Variants in CNTN6 observed in about 807,000 individuals in gnomAD.
CNTN6 encodes the protein contactin-6.
Under a neutral mutation model 122.8 loss-of-function variants are expected in CNTN6, and 137 were observed. The ratio of observed to expected loss-of-function variants is 1.12; its 90% CI spans 0.97 to 1.29. The LOEUF is 1.29. Ranked by LOEUF, CNTN6 falls within the 50% of genes most tolerant of loss-of-function variation. CNTN6 has a pLI of 0.00. For missense variants in CNTN6, 1,634 were observed against 1,223.4 expected, an observed-to-expected ratio of 1.34 and a Z score of -5.01; for synonymous variants, 570 against 426.0, an observed-to-expected ratio of 1.34 and a Z score of -4.16.
At chr3:1,242,514 G>T (rs2094499421) in intron 4 of CNTN6, among the ~76,000 whole-genome samples, 1 of 152,194 alleles carries the variant, frequency 6.6e-6, no homozygotes, top group Non-Finnish European at 1.5e-5. Context: ...GTGATAACAG[G>T]CTTTAATCCT....
chr3:1,234,941 AC>A (rs1461739177), intron 4 of CNTN6, among the ~76,000 whole-genome samples: 1 of 152,198 alleles, frequency 6.6e-6, no homozygotes, highest in African/African-American at 2.4e-5. Context: ...AAACAAATAG[AC>A]TGTAAGCAGT....
At chr3:1,127,763 T>C (rs1270322496) in intron 1 of CNTN6, among the ~76,000 whole-genome samples, 1 of 151,852 alleles carries the variant, frequency 6.6e-6, no homozygotes, top group Non-Finnish European at 1.5e-5. Context: ...AGCTGGAGGG[T>C]CTTTTCTATT....
chr3:1,276,721 C>T (rs1303387034), intron 4 of CNTN6, among the ~76,000 whole-genome samples: 2 of 152,138 alleles, frequency 1.3e-5, no homozygotes, highest in Non-Finnish European at 2.9e-5. Flanking sequence ...CTCTTCTTAT[C>T]TTTTACAGGG....
At chr3:1,191,902 A>G (rs1175898870) in intron 2 of CNTN6, among the ~76,000 whole-genome samples, 2 of 152,244 alleles carry the variant, frequency 1.3e-5, no homozygotes, top group African/African-American at 4.8e-5. Context: ...TGAGTAGAAT[A>G]ACAGCTTTCT....
In CNTN6 at chr3:1,202,315, C is replaced by T. The variant is rs570900080; in HGVS notation, c.56-18372C>T. 2.3e-3 allele frequency among the ~76,000 whole-genome samples: 356 copies of T among 152,092 alleles called. 2 individuals are homozygous for T. Among genetic ancestry groups the T allele is most frequent in the Admixed American group, 3.5e-3 (54 of 15,286 alleles). Reference sequence around the variant, plus strand: ...CAGCACTTCGGAAGGCCGAGGCGGGCGGATCACGAGCTCAGGATATCAAGA... The same window carrying T: ...CAGCACTTCGGAAGGCCGAGGCGGGTGGATCACGAGCTCAGGATATCAAGA... On this transcript the variant is annotated intron_variant, in intron 2 of 22. Transcript: ENST00000446702.
At chr3:1,167,507 G>C (rs1390177371) in intron 2 of CNTN6, among the ~76,000 whole-genome samples, 1 of 152,234 alleles carries the variant, frequency 6.6e-6, no homozygotes, top group East Asian at 1.9e-4. Flanking sequence ...AAATAATGAA[G>C]TGCCCCGTGA....
chr3:1,271,627 G>A (rs976051762), intron 4 of CNTN6, among the ~76,000 whole-genome samples: 4 of 152,062 alleles, frequency 2.6e-5, no homozygotes, highest in Admixed American at 6.5e-5. Flanking sequence ...GAGATAAATC[G>A]AGAAATATAA....
At chr3:1,325,776 G>C (rs1261305822) in intron 8 of CNTN6, 39 bp from the exon 9 acceptor site, 1 of 1,600,230 alleles carries the variant, frequency 6.2e-7, no homozygotes, top group Non-Finnish European at 8.5e-7. Flanking sequence ...TTGGATAACT[G>C]CCTTTTACCA....
chr3:1,337,049 A>G (rs999124392), intron 11 of CNTN6, among the ~76,000 whole-genome samples: 1 of 152,174 alleles, frequency 6.6e-6, no homozygotes. Context: ...TTCATGGGTA[A>G]AATGGTCCCC....
intron 1 of CNTN6, among the ~76,000 whole-genome samples, chr3:1,132,197 A>C (rs569345937): frequency 6.6e-6 from 1 of 152,280 alleles, no homozygotes; most frequent in South Asian, 2.1e-4. Flanking sequence ...AACTCTGAAT[A>C]ACATCTTGTA....
rs371438247 is a variant in CNTN6, at chr3:1,245,318, AT to A, written c.358+17326del. Reference sequence around the variant, plus strand: ...AACATATATATATATATATATATATATATATATATATATATATAGCATGGAA... The same window carrying A: ...AACATATATATATATATATATATATAATATATATATATATATAGCATGGAA... On this transcript the variant is annotated intron_variant, in intron 4 of 22. Transcript: ENST00000446702. Among the ~76,000 whole-genome samples the A allele has an allele frequency of 1.1e-3, 29 of 27,522 alleles. 5 individuals are homozygous for A. In the South Asian group the frequency reaches 0.014, roughly 13 times the overall value. 18.1% of individuals were successfully genotyped at this position (27,522 alleles called of 152,430 possible). A position where few individuals can be genotyped will look rare whatever the true frequency, so the allele number is the denominator to read the frequency against.
chr3:1,224,896 C>CCACT (rs1380691918), intron 3 of CNTN6, among the ~76,000 whole-genome samples: 1 of 152,106 alleles, frequency 6.6e-6, no homozygotes, highest in Non-Finnish European at 1.5e-5. Context: ...CAGGCGTGTG[C>CCACT]CACTATGCCC....
At chr3:1,325,522 G>T (rs539354086) in intron 8 of CNTN6, among the ~76,000 whole-genome samples, 19 of 151,784 alleles carry the variant, frequency 1.3e-4, no homozygotes, top group Admixed American at 1.1e-3. Context: ...TTTATTCCCT[G>T]GCCCTGTTCT....
rs564567920 is a variant in CNTN6 at position 1,304,630 on chromosome 3, A to G, written c.761+6639A>G. On this transcript the variant is annotated intron_variant, in intron 7 of 22. Coordinates refer to ENST00000446702, the MANE Select transcript of CNTN6 (RefSeq NM_001289080.2). ...TTATCTAGGGAATGGAATTATAGAT[A>G]TATTTCCCATTTATATTATCTATAA... Among the ~76,000 whole-genome samples the G allele has an allele frequency of 7.2e-5, 11 of 152,346 alleles. No homozygotes were observed. In the South Asian group the frequency reaches 1.9e-3, roughly 26 times the overall value.
chr3:1,258,274 A>G (rs954243552), intron 4 of CNTN6, among the ~76,000 whole-genome samples: 13 of 152,146 alleles, frequency 8.5e-5, no homozygotes, highest in African/African-American at 3.1e-4. Context: ...TAGCAGTATG[A>G]CTGAAATTCC....
intron 1 of CNTN6, among the ~76,000 whole-genome samples, chr3:1,102,688 A>G (rs1236373632): frequency 2.0e-5 from 3 of 150,160 alleles, no homozygotes; most frequent in African/African-American, 7.3e-5. Context: ...AGATGGCGCC[A>G]CCGCCCTCCA....
chr3:1,362,203 TA>T (rs1402004289), intron 12 of CNTN6, among the ~76,000 whole-genome samples: 2 of 152,080 alleles, frequency 1.3e-5, no homozygotes, highest in Non-Finnish European at 2.9e-5. Flanking sequence ...CTTGAAAAAG[TA>T]AATCTTCCCG....
At chr3:1,325,720 C>T in intron 8 of CNTN6, 95 bp from the exon 9 acceptor site, 1 of 1,337,452 alleles carries the variant, frequency 7.5e-7, no homozygotes, top group Non-Finnish European at 1.0e-6. Flanking sequence ...ACCCAGTTAG[C>T]CTTGTCCTTC....
intron 2 of CNTN6, among the ~76,000 whole-genome samples, chr3:1,204,792 C>A (rs2093935828): frequency 6.6e-6 from 1 of 152,078 alleles, no homozygotes; most frequent in Non-Finnish European, 1.5e-5. Context: ...TAACTCTTAA[C>A]ATGTGTAACT....
Sources: gnomAD v4.1 joint callset for allele counts (sites outside exome capture counted in the v4.1 genomes callset) on GRCh38, gnomAD v4.1.1 for gene constraint, MANE v1.5 for transcripts, NCBI Gene and HGNC (gene_info 2026-07-23, HGNC 2026-07-21) for gene names.